TNFRSF19: variants seen among roughly 807,000 people sequenced by gnomAD.
TNFRSF19 encodes TNF receptor superfamily member 19.
A neutral mutation model predicts 46.4 loss-of-function variants in TNFRSF19; 27 were observed. The observed-to-expected ratio is 0.58, with a 90% confidence interval of 0.43 to 0.80. The LOEUF is 0.80. Ranked by LOEUF, TNFRSF19 falls within the 30% of genes least tolerant of loss-of-function variation. The pLI is 0.00. For missense variants in TNFRSF19, 511 were observed against 530.8 expected, an observed-to-expected ratio of 0.96 and a Z score of 0.37; for synonymous variants, 204 against 205.0, an observed-to-expected ratio of 1.00 and a Z score of 0.04.
rs191118059 is a variant in TNFRSF19, at chr13:23,637,946, C to T, written c.445+11154C>T. Among the ~76,000 whole-genome samples, 359 of 152,334 alleles carry T rather than the reference C, an allele frequency of 2.4e-3. 2 individuals carry two copies. The highest frequency in any genetic ancestry group is 8.2e-3 in the African/African-American group (342 of 41,574). On this transcript the variant is annotated intron_variant, in intron 5 of 9. Coordinates refer to ENST00000248484, the MANE Select transcript of TNFRSF19 (RefSeq NM_148957.4). ...GGCACTCAAAGGGTTAAGGAGAGTCCGTGGTGGAACTGGGAGGGCGGAGGC... is the reference window on the plus strand; with the variant it reads ...GGCACTCAAAGGGTTAAGGAGAGTCTGTGGTGGAACTGGGAGGGCGGAGGC...
intron 4 of TNFRSF19, among the ~76,000 whole-genome samples, chr13:23,617,363 G>A (rs1219155791): frequency 6.6e-6 from 1 of 152,182 alleles, no homozygotes; most frequent in African/African-American, 2.4e-5. Context: ...GGGCCAGGGG[G>A]AGCACCAGGG....
Position 23,668,734 on chromosome 13 carries a change from A to T in TNFRSF19, c.882A>T (p.Gly294=). The T allele has an allele frequency of 6.2e-7, 1 of 1,614,148 alleles. No homozygotes were observed. Among genetic ancestry groups the T allele is most frequent in the Non-Finnish European group, 8.5e-7 (1 of 1,180,000 alleles). The change falls in exon 9 of 10, where the codon GGA becomes GGT. Residue 294 remains glycine, a synonymous_variant. Coordinates refer to ENST00000248484, the MANE Select transcript of TNFRSF19 (RefSeq NM_148957.4). The part of the protein sequence containing the change: ...PAGEMVPTFF[G]SLTQSICGEF... ...GGGAGATGGTGCCGACTTTCTTCGG[A>T]TCCCTCACGCAGTCCATCTGTGGCG...
Position 23,593,455 on chromosome 13 carries a change from G to A in TNFRSF19, c.180G>A (p.Lys60=). 1 of 1,591,524 alleles carries A rather than the reference G, an allele frequency of 6.3e-7. No homozygotes were observed. Among genetic ancestry groups the A allele is most frequent in the Non-Finnish European group, 8.5e-7 (1 of 1,170,776 alleles). Residue 60 remains lysine, a splice_region_variant and synonymous_variant, in exon 3 of 10, where the codon AAG becomes AAA. Coordinates refer to ENST00000248484, the MANE Select transcript of TNFRSF19 (RefSeq NM_148957.4). ...NQCGPGMELS[K]ECGFGYGEDA... ...GTGGGCCAGGCATGGAGTTGTCTAA[G>A]GTATATTGGATACATGGCAAAGTTG...
chr13:23,573,433 G>C (rs936003354), intron 1 of TNFRSF19, among the ~76,000 whole-genome samples: 1 of 152,142 alleles, frequency 6.6e-6, no homozygotes, highest in Non-Finnish European at 1.5e-5. Flanking sequence ...TTCACAAAAA[G>C]TTTAATGCAT....
intron 1 of TNFRSF19, among the ~76,000 whole-genome samples, chr13:23,576,566 G>C (rs905749394): frequency 2.6e-5 from 4 of 152,120 alleles, no homozygotes; most frequent in African/African-American, 9.7e-5. Flanking sequence ...AGCATCTGAG[G>C]GGGACTGCTT....
At chr13:23,647,192 A>G (rs1293507509) in intron 5 of TNFRSF19, among the ~76,000 whole-genome samples, 1 of 152,182 alleles carries the variant, frequency 6.6e-6, no homozygotes, top group Non-Finnish European at 1.5e-5. Context: ...TCCTTACCAG[A>G]TGTATGAAAT....
At chr13:23,602,703 G>T (rs1196380542) in intron 3 of TNFRSF19, among the ~76,000 whole-genome samples, 1 of 152,060 alleles carries the variant, frequency 6.6e-6, no homozygotes, top group Admixed American at 6.6e-5. Context: ...ATCAATAACA[G>T]AAAGATAGCT....
intron 5 of TNFRSF19, among the ~76,000 whole-genome samples, chr13:23,641,098 TAC>T (rs1437290983): frequency 6.6e-6 from 1 of 152,198 alleles, no homozygotes; most frequent in East Asian, 1.9e-4. Flanking sequence ...GTACAAAAAT[TAC>T]ACTCAATTAT....
At chr13:23,607,743 A>G (rs187850201) in intron 3 of TNFRSF19, among the ~76,000 whole-genome samples, 1 of 152,280 alleles carries the variant, frequency 6.6e-6, no homozygotes, top group African/African-American at 2.4e-5. Context: ...TATTAAAGGT[A>G]TCTTAAAACT....
chr13:23,620,416 C>T (rs184639483), intron 4 of TNFRSF19, among the ~76,000 whole-genome samples: 294 of 152,316 alleles, frequency 1.9e-3, no homozygotes, highest in Non-Finnish European at 3.2e-3. Flanking sequence ...CTCTCAGTAG[C>T]AGGTAGGGTG....
chr13:23,675,894 T>C lies in TNFRSF19; in HGVS notation c.*2514T>C, dbSNP rs1421460418. ...ACTTTAGATAATGTGTTAATATTGC[T>C]ATTACCTAGGTTAAGCACTATTGTC... On this transcript the variant is annotated 3_prime_UTR_variant, in exon 10 of 10. Transcript: ENST00000248484. The C allele has an allele frequency of 6.6e-6, 1 of 152,210 alleles. No homozygotes were observed. The highest frequency in any genetic ancestry group is 6.5e-5 in the Admixed American group (1 of 15,292). The allele number at this position is 152,210 out of a possible 1,614,324, so 9.4% of individuals were successfully genotyped here.
At chr13:23,641,988 A>G (rs913495749) in intron 5 of TNFRSF19, among the ~76,000 whole-genome samples, 6 of 152,218 alleles carry the variant, frequency 3.9e-5, no homozygotes, top group African/African-American at 1.4e-4. Flanking sequence ...TGAATATCCC[A>G]TGTAACTTAC....
At chr13:23,619,020 C>G (rs1881485713) in intron 4 of TNFRSF19, among the ~76,000 whole-genome samples, 1 of 152,202 alleles carries the variant, frequency 6.6e-6, no homozygotes, top group Non-Finnish European at 1.5e-5. Flanking sequence ...GCATCTTGAT[C>G]TTGGACTTCC....
At chr13:23,648,569 C>G (rs1197145606) in intron 5 of TNFRSF19, among the ~76,000 whole-genome samples, 1 of 152,064 alleles carries the variant, frequency 6.6e-6, no homozygotes, top group Non-Finnish European at 1.5e-5. Flanking sequence ...AGTTTGGATG[C>G]TTTTATTTCT....
intron 3 of TNFRSF19, among the ~76,000 whole-genome samples, chr13:23,606,346 T>C (rs1469855775): frequency 3.2e-5 from 3 of 92,554 alleles, no homozygotes; most frequent in Non-Finnish European, 4.6e-5. Context: ...TGTTCCCATA[T>C]TTATAATTTT....
intron 6 of TNFRSF19, 99 bp from the exon 7 acceptor site, chr13:23,660,266 G>T (rs1387901362): frequency 8.2e-5 from 99 of 1,212,160 alleles, no homozygotes; most frequent in Non-Finnish European, 1.1e-4. Context: ...ACATTGGAAG[G>T]ATAGCTGATT....
rs1882336547 is a variant in TNFRSF19, at chr13:23,631,105, T to C, written c.445+4313T>C. On this transcript the variant is annotated intron_variant, in intron 5 of 9. Coordinates refer to ENST00000248484, the MANE Select transcript of TNFRSF19 (RefSeq NM_148957.4). ...AATAAATCACATTATTAAAAGTTTA[T>C]TATTTTCCAAAGGAAGTTTAAAATA... 1.3e-5 allele frequency among the ~76,000 whole-genome samples: 2 copies of C among 152,166 alleles called. 1 individual carries two copies. The highest frequency in any genetic ancestry group is 4.8e-5 in the African/African-American group (2 of 41,442).
At chr13:23,597,682 G>A (rs1879837426) in intron 3 of TNFRSF19, among the ~76,000 whole-genome samples, 1 of 152,174 alleles carries the variant, frequency 6.6e-6, no homozygotes, top group Admixed American at 6.5e-5. Flanking sequence ...AGAGGAGCTG[G>A]TACCATTCCT....
chr13:23,658,869 G>A (rs2138387689), intron 5 of TNFRSF19, among the ~76,000 whole-genome samples, 181 bp from the exon 6 acceptor site: 1 of 152,312 alleles, frequency 6.6e-6, no homozygotes, highest in African/African-American at 2.4e-5. Flanking sequence ...GGGGTGCCGG[G>A]TAAAGGTGTC....
Sources: gnomAD v4.1 joint callset for allele counts (sites outside exome capture counted in the v4.1 genomes callset) on GRCh38, gnomAD v4.1.1 for gene constraint, MANE v1.5 for transcripts, NCBI Gene and HGNC (gene_info 2026-07-23, HGNC 2026-07-21) for gene names.